PLXDC2: variants seen among roughly 807,000 people sequenced by gnomAD.
PLXDC2 encodes the protein plexin domain-containing protein 2.
Under a neutral mutation model 68.9 loss-of-function variants are expected in PLXDC2, and 40 were observed. That is an observed-to-expected ratio of 0.58 (90% CI 0.45 to 0.76). The LOEUF (loss-of-function observed/expected upper bound fraction) is 0.76, where lower values mean the gene tolerates loss of function less well. Ranked by LOEUF, PLXDC2 falls within the 30% of genes least tolerant of loss-of-function variation. PLXDC2 has a pLI of 0.00. For missense variants in PLXDC2, 644 were observed against 661.9 expected, an observed-to-expected ratio of 0.97 and a Z score of 0.30; for synonymous variants, 243 against 234.2, an observed-to-expected ratio of 1.04 and a Z score of -0.34.
intron 12 of PLXDC2, among the ~76,000 whole-genome samples, chr10:20,234,226 G>A (rs531750352): frequency 6.6e-6 from 1 of 152,228 alleles, no homozygotes; most frequent in Admixed American, 6.5e-5. Context: ...TATACAACTC[G>A]TGGAAGTGTC....
At chr10:19,966,506 A>G (rs1445350189) in intron 1 of PLXDC2, among the ~76,000 whole-genome samples, 1 of 145,806 alleles carries the variant, frequency 6.9e-6, no homozygotes, top group Non-Finnish European at 1.5e-5. Context: ...TGATATAGAT[A>G]TAGAAATAGA....
At chr10:19,834,341 G>T (rs1356293271) in intron 1 of PLXDC2, among the ~76,000 whole-genome samples, 1 of 148,540 alleles carries the variant, frequency 6.7e-6, no homozygotes, top group East Asian at 2.0e-4. Flanking sequence ...GAGAGAGAGA[G>T]AGAGAGAGAG....
chr10:20,120,450 G>C (rs932352129), intron 4 of PLXDC2, among the ~76,000 whole-genome samples: 3 of 144,702 alleles, frequency 2.1e-5, no homozygotes, highest in African/African-American at 7.5e-5. Flanking sequence ...TGAATACTAA[G>C]AGCCTGAAAA....
At chr10:19,824,571 T>C (rs1475217587) in intron 1 of PLXDC2, among the ~76,000 whole-genome samples, 1 of 152,172 alleles carries the variant, frequency 6.6e-6, no homozygotes, top group Non-Finnish European at 1.5e-5. Context: ...TTCTGAGAGG[T>C]CTTTCTTCAC....
In PLXDC2 at chr10:20,201,651, C is replaced by G. The variant is rs187905454; in HGVS notation, c.1062-10018C>G. Reference sequence around the variant, plus strand: ...GAATGTTCCTAACACAAAGAAATGACAAATGTTTGAGACGATGGATATGCT... The same window carrying G: ...GAATGTTCCTAACACAAAGAAATGAGAAATGTTTGAGACGATGGATATGCT... On this transcript the variant is annotated intron_variant, in intron 9 of 13. Transcript: ENST00000377252. Among the ~76,000 whole-genome samples, 130 of 152,006 alleles carry G rather than the reference C, an allele frequency of 8.6e-4. 1 individual carries two copies. The highest frequency in any genetic ancestry group is 2.8e-3 in the African/African-American group (115 of 41,510).
chr10:20,010,357 C>T (rs1835091542), intron 2 of PLXDC2, among the ~76,000 whole-genome samples: 1 of 152,134 alleles, frequency 6.6e-6, no homozygotes, highest in Non-Finnish European at 1.5e-5. Flanking sequence ...GAGGGCTTTA[C>T]TTTGCAAAGA....
In PLXDC2 at chr10:20,082,070, A is replaced by AAAAAAC. The variant is rs1554765388; in HGVS notation, c.541+13836_541+13837insCAAAAA. Among the ~76,000 whole-genome samples the AAAAAAC allele has an allele frequency of 5.6e-3, 677 of 121,852 alleles. 91 individuals carry two copies. The highest frequency in any genetic ancestry group is 0.038 in the East Asian group (128 of 3,332). The allele number at this position is 121,852 out of a possible 152,430, so 79.9% of individuals were successfully genotyped here. ...GAAAAAAAAAAAAAAAAATCAAAAAAAAAAAACAGGAGAAGTCTGAGAAAC... is the reference window on the plus strand; with the variant it reads ...GAAAAAAAAAAAAAAAAATCAAAAAAAAAAACAAAAAACAGGAGAAGTCTGAGAAAC... On this transcript the variant is annotated intron_variant, in intron 4 of 13. Coordinates refer to ENST00000377252, the MANE Select transcript of PLXDC2 (RefSeq NM_032812.9).
Position 19,869,819 on chromosome 10 carries a change from C to G in PLXDC2, c.112+52628C>G, listed in dbSNP as rs182134936. Among the ~76,000 whole-genome samples the G allele has an allele frequency of 9.1e-3, 1,378 of 152,016 alleles. 11 individuals are homozygous for G. The highest frequency in any genetic ancestry group is 0.011 in the Non-Finnish European group (730 of 68,008). On this transcript the variant is annotated intron_variant, in intron 1 of 13. Transcript: ENST00000377252. The stretch of plus-strand genomic sequence containing the variant: ...TTTTAACTCCCCCACCACCCACTCC[C>G]CCGCCACTGCCAGCTCGCCTTACGT...
At chr10:19,903,979 A>G (rs954321959) in intron 1 of PLXDC2, among the ~76,000 whole-genome samples, 3 of 151,922 alleles carry the variant, frequency 2.0e-5, no homozygotes, top group African/African-American at 7.3e-5. Flanking sequence ...ATTTCCATCT[A>G]TTTGTGTGGT....
At chr10:20,125,056 A>G (rs745987909) in intron 4 of PLXDC2, among the ~76,000 whole-genome samples, 20 of 152,142 alleles carry the variant, frequency 1.3e-4, no homozygotes, top group Non-Finnish European at 2.4e-4. Context: ...TTTGGATAGG[A>G]CAACTCTTCA....
chr10:20,013,359 C>T (rs1835149387), intron 2 of PLXDC2, among the ~76,000 whole-genome samples: 1 of 152,130 alleles, frequency 6.6e-6, no homozygotes, highest in Non-Finnish European at 1.5e-5. Flanking sequence ...TATTAAGGAA[C>T]TCTTTTAGGT....
chr10:20,090,414 A>G (rs1833260683), intron 4 of PLXDC2, among the ~76,000 whole-genome samples: 1 of 152,114 alleles, frequency 6.6e-6, no homozygotes, highest in Admixed American at 6.5e-5. Flanking sequence ...GAGAACAGTC[A>G]ATGAATGAGA....
At chr10:19,945,975 A>G (rs1221259997) in intron 1 of PLXDC2, among the ~76,000 whole-genome samples, 1 of 152,218 alleles carries the variant, frequency 6.6e-6, no homozygotes, top group African/African-American at 2.4e-5. Flanking sequence ...GCAAGACAAC[A>G]TGGATTCAAA....
At chr10:20,197,253 G>A (rs187730245) in intron 9 of PLXDC2, among the ~76,000 whole-genome samples, 1 of 151,994 alleles carries the variant, frequency 6.6e-6, no homozygotes, top group Non-Finnish European at 1.5e-5. Flanking sequence ...TACATAATCA[G>A]AAAAAACAAA....
At chr10:19,983,351 C>T (rs1344608990) in intron 1 of PLXDC2, among the ~76,000 whole-genome samples, 6 of 152,132 alleles carry the variant, frequency 3.9e-5, no homozygotes, top group African/African-American at 1.4e-4. Flanking sequence ...GAAAGAAACA[C>T]TTTTCTTTAC....
At chr10:19,997,792 G>A (rs142874904) in intron 1 of PLXDC2, among the ~76,000 whole-genome samples, 50 of 152,230 alleles carry the variant, frequency 3.3e-4, no homozygotes, top group African/African-American at 1.2e-3. Flanking sequence ...CAGATTAACT[G>A]AACGTTGTGG....
intron 13 of PLXDC2, among the ~76,000 whole-genome samples, chr10:20,278,969 G>A (rs1176156686): frequency 6.6e-6 from 1 of 152,108 alleles, no homozygotes; most frequent in Non-Finnish European, 1.5e-5. Flanking sequence ...TTGTTTGATG[G>A]ATGGAGTGCT....
intron 1 of PLXDC2, among the ~76,000 whole-genome samples, chr10:19,844,697 G>A (rs1337498883): frequency 1.3e-5 from 2 of 151,988 alleles, no homozygotes; most frequent in Non-Finnish European, 2.9e-5. Context: ...CTGGGCTCAA[G>A]TGATCCTCCC....
At chr10:19,860,308 A>G (rs1478734014) in intron 1 of PLXDC2, among the ~76,000 whole-genome samples, 2 of 152,208 alleles carry the variant, frequency 1.3e-5, no homozygotes, top group Admixed American at 6.5e-5. Context: ...AAGAGCAAAC[A>G]AAGTCTGCTC....
Sources: allele counts gnomAD v4.1 joint callset (sites outside exome capture counted in the v4.1 genomes callset), GRCh38; gene constraint gnomAD v4.1.1; transcripts MANE v1.5; gene names NCBI Gene and HGNC (gene_info 2026-07-23, HGNC 2026-07-21).